The following SHQ1 variants were observed in gnomAD, a reference collection of about 807,000 sequenced individuals.
SHQ1 encodes SHQ1, H/ACA ribonucleoprotein assembly factor.
SHQ1 carries 49 observed loss-of-function variants against 53.8 expected under a neutral mutation model. The observed-to-expected ratio is 0.91, with a 90% CI of 0.72 to 1.16. SHQ1 has a LOEUF of 1.16. Among genes scored for constraint, SHQ1 ranks in the 50% most tolerant of loss-of-function variants. The probability of loss-of-function intolerance (pLI) is 0.00; values close to 1 mark genes in which losing one functional copy is unlikely to be tolerated. For missense variants in SHQ1, 738 were observed against 683.1 expected (o/e 1.08, Z -0.90); for synonymous variants, 243 against 251.0 (o/e 0.97, Z 0.30).
intron 6 of SHQ1, among the ~76,000 whole-genome samples, 153 bp downstream of exon 6, chr3:72,824,271 G>A (rs950272449): frequency 5.9e-5 from 9 of 151,730 alleles, no homozygotes; most frequent in Admixed American, 3.9e-4. Context: ...CCAGTCAGGG[G>A]CAAAGAAGTC....
At chr3:72,825,607 T>C (rs1707628120) in intron 5 of SHQ1, among the ~76,000 whole-genome samples, 1 of 152,150 alleles carries the variant, frequency 6.6e-6, no homozygotes, top group South Asian at 2.1e-4. Context: ...GGAGGACACT[T>C]ATTCAGAAAT....
At chr3:72,798,870 T>C (rs1464664059) in intron 9 of SHQ1, among the ~76,000 whole-genome samples, 2 of 152,242 alleles carry the variant, frequency 1.3e-5, no homozygotes, top group Non-Finnish European at 2.9e-5. Context: ...AAATTTCTTT[T>C]CAACTGCTGG....
intron 1 of SHQ1, among the ~76,000 whole-genome samples, chr3:72,846,844 C>A (rs1176340990): frequency 6.6e-6 from 1 of 152,158 alleles, no homozygotes; most frequent in African/African-American, 2.4e-5. Flanking sequence ...GTCCTAATAA[C>A]AAATGAGATA....
Position 72,817,364 on chromosome 3 carries a change from T to G in SHQ1, c.748A>C (p.Lys250Gln). The G allele has an allele frequency of 6.2e-7, 1 of 1,611,052 alleles. No homozygotes were observed. Among genetic ancestry groups the G allele is most frequent in the Non-Finnish European group, 8.5e-7 (1 of 1,178,336 alleles). ...TTGACAAATTTTCGTAGCTGATACT[T>G]CTCTTCTTCAGAAAAAGACACTAGA... Reference protein sequence around the residue: ...ATLVSFSEEEKYQLRKFVNKS... With the variant: ...ATLVSFSEEEQYQLRKFVNKS... Residue 250 changes from lysine to glutamine, a missense_variant, in exon 7 of 11, where the codon AAG (lysine) becomes CAG (glutamine). Transcript: ENST00000325599.
chr3:72,803,742 TGA>T (rs1477830206), intron 9 of SHQ1, among the ~76,000 whole-genome samples: 2 of 152,222 alleles, frequency 1.3e-5, no homozygotes, highest in African/African-American at 2.4e-5. Context: ...TGTAAGTGAA[TGA>T]GCCTGTGTTT....
intron 3 of SHQ1, among the ~76,000 whole-genome samples, chr3:72,842,014 G>T (rs964752394): frequency 2.5e-4 from 38 of 152,238 alleles, no homozygotes; most frequent in African/African-American, 8.7e-4. Flanking sequence ...GTATACTTCT[G>T]ATCTTAGCTC....
chr3:72,772,703 T>C, intron 10 of SHQ1: 1 of 730,522 alleles, frequency 1.4e-6, no homozygotes, highest in South Asian at 1.4e-5. Flanking sequence ...GGTGCACCTC[T>C]GGAAGATGTA....
chr3:72,811,268 C>T (rs546884984), intron 9 of SHQ1, among the ~76,000 whole-genome samples: 2 of 152,128 alleles, frequency 1.3e-5, no homozygotes, highest in Admixed American at 6.6e-5. Context: ...ACAGGATAAT[C>T]GCAAACTGCA....
the SHQ1 span, among the ~76,000 whole-genome samples, chr3:72,727,719 CACAG>C: frequency 2.6e-5 from 4 of 152,298 alleles, no homozygotes; most frequent in South Asian, 4.1e-4. Context: ...GGAGAAGAGG[CACAG>C]ACAATCTCTT....
At chr3:72,847,851 G>C (rs1469771982) in intron 1 of SHQ1, among the ~76,000 whole-genome samples, 1 of 152,140 alleles carries the variant, frequency 6.6e-6, no homozygotes, top group Non-Finnish European at 1.5e-5. Context: ...GAGAGACTGG[G>C]AGAGCAAACG....
the SHQ1 span, among the ~76,000 whole-genome samples, chr3:72,743,791 T>G: frequency 6.6e-6 from 1 of 152,120 alleles, no homozygotes; most frequent in African/African-American, 2.4e-5. Flanking sequence ...CTCTAGTAAA[T>G]AAGATAGGAC....
At chr3:72,837,629 G>GAGAA (rs1490359411) in intron 4 of SHQ1, among the ~76,000 whole-genome samples, 1 of 152,148 alleles carries the variant, frequency 6.6e-6, no homozygotes, top group Non-Finnish European at 1.5e-5. Flanking sequence ...ATAAACTTGT[G>GAGAA]AGAAAATACT....
intron 10 of SHQ1, among the ~76,000 whole-genome samples, chr3:72,767,311 A>G (rs1408692917): frequency 1.3e-5 from 2 of 152,218 alleles, no homozygotes; most frequent in Admixed American, 1.3e-4. Flanking sequence ...GTGCAGACCC[A>G]CTATGCACTA....
At chr3:72,766,545 A>C in intron 10 of SHQ1, among the ~76,000 whole-genome samples, 1 of 152,216 alleles carries the variant, frequency 6.6e-6, no homozygotes, top group East Asian at 1.9e-4. Context: ...ATTCTGTCCA[A>C]GTCAGAATTT....
intron 10 of SHQ1, among the ~76,000 whole-genome samples, chr3:72,783,620 T>C (rs565281216): frequency 6.6e-6 from 1 of 152,162 alleles, no homozygotes; most frequent in Admixed American, 6.5e-5. Context: ...AGCCCTAAGC[T>C]TTCTCTATTT....
At chr3:72,813,925 G>C (rs1010882653) in intron 8 of SHQ1, among the ~76,000 whole-genome samples, 7 of 150,076 alleles carry the variant, frequency 4.7e-5, no homozygotes, top group Admixed American at 1.3e-4. Context: ...AGGAAAAAAG[G>C]TGTTGTATCT....
chr3:72,800,044 C>T (rs1173140229), intron 9 of SHQ1, among the ~76,000 whole-genome samples: 2 of 152,136 alleles, frequency 1.3e-5, no homozygotes, highest in Non-Finnish European at 2.9e-5. Flanking sequence ...ATCCCCAATG[C>T]AACAGTGTTG....
At chr3:72,817,855 A>G (rs1707368238) in intron 6 of SHQ1, among the ~76,000 whole-genome samples, 1 of 152,212 alleles carries the variant, frequency 6.6e-6, no homozygotes, top group South Asian at 2.1e-4. Flanking sequence ...TTAAATTTCA[A>G]TTCAAATTAA....
Position 72,750,101 on chromosome 3 carries a change from G to T in SHQ1, c.*183C>A. The T allele has an allele frequency of 3.4e-6, 2 of 596,264 alleles. No homozygotes were observed. Among genetic ancestry groups the T allele is most frequent in the Non-Finnish European group, 5.9e-6 (2 of 340,794 alleles). The allele number at this position is 596,264 out of a possible 1,614,324, so 36.9% of individuals were successfully genotyped here. On this transcript the variant is annotated 3_prime_UTR_variant, in exon 11 of 11. Transcript: ENST00000325599. ...AAAAAGTCTGTACATGTTTGGTACA[G>T]ATGCGATTTTTTCTTCAATATTTTT...
Sources: allele counts gnomAD v4.1 joint callset (sites outside exome capture counted in the v4.1 genomes callset), GRCh38; gene constraint gnomAD v4.1.1; transcripts MANE v1.5; gene names NCBI Gene and HGNC (gene_info 2026-07-23, HGNC 2026-07-21).